Variants in EPHB1 observed in about 807,000 individuals in gnomAD.
EPHB1 encodes ephrin type-B receptor 1.
EPHB1 carries 30 observed loss-of-function variants against 94.4 expected under a neutral mutation model. The ratio of observed to expected loss-of-function variants is 0.32; its 90% confidence interval spans 0.24 to 0.43. The LOEUF is 0.43. Among genes scored for constraint, EPHB1 ranks in the 20% least tolerant of loss-of-function variants. The pLI is 1.00. For missense variants in EPHB1, 1,055 were observed against 1,308.3 expected, an observed-to-expected ratio of 0.81 and a Z score of 2.99; for synonymous variants, 522 against 489.1, an observed-to-expected ratio of 1.07 and a Z score of -0.89.
intron 12 of EPHB1, among the ~76,000 whole-genome samples, chr3:135,210,826 G>T (rs1439924879): frequency 6.6e-6 from 1 of 152,162 alleles, no homozygotes; most frequent in Non-Finnish European, 1.5e-5. Context: ...TGATGTTCTA[G>T]AAAGCCTGTT....
chr3:135,029,424 T>C (rs9681999), intron 3 of EPHB1, among the ~76,000 whole-genome samples: 1 of 146,054 alleles, frequency 6.8e-6, no homozygotes, highest in African/African-American at 2.5e-5. Flanking sequence ...GCCTGGTGGT[T>C]ACAAAATCTC....
intron 10 of EPHB1, 95 bp downstream of exon 10, chr3:135,180,077 T>C: frequency 7.0e-7 from 1 of 1,430,976 alleles, no homozygotes; most frequent in Non-Finnish European, 9.6e-7. Context: ...AAAAGCCCCA[T>C]TAGGAGGAGA....
At chr3:134,924,567 G>A (rs538813204) in intron 1 of EPHB1, among the ~76,000 whole-genome samples, 1 of 152,238 alleles carries the variant, frequency 6.6e-6, no homozygotes, top group Non-Finnish European at 1.5e-5. Context: ...AATGGCTAAA[G>A]TTAAAAACAA....
intron 1 of EPHB1, chr3:134,823,861 A>C (rs2108290866): frequency 6.6e-6 from 1 of 152,378 alleles, no homozygotes; most frequent in African/African-American, 2.4e-5. Context: ...TGCCTGCAAC[A>C]GCAGAATGAG....
At chr3:135,152,248 TCTTA>T (rs1179607186) in intron 5 of EPHB1, among the ~76,000 whole-genome samples, 2 of 152,214 alleles carry the variant, frequency 1.3e-5, no homozygotes, top group African/African-American at 4.8e-5. Context: ...GAACATCCTT[TCTTA>T]CTTCAGTTGG....
intron 2 of EPHB1, among the ~76,000 whole-genome samples, chr3:134,935,831 AATG>A (rs1173476021): frequency 6.6e-6 from 1 of 151,468 alleles, no homozygotes; most frequent in Admixed American, 6.6e-5. Flanking sequence ...TATTATTAAT[AATG>A]ATAACTATTA....
chr3:135,157,211 G>A (rs1941379749), intron 6 of EPHB1, among the ~76,000 whole-genome samples: 1 of 152,168 alleles, frequency 6.6e-6, no homozygotes, highest in South Asian at 2.1e-4. Context: ...GCTGGGAAGG[G>A]AAAGAATATG....
rs773261269 is a variant in EPHB1, at chr3:135,166,032, C to T, written c.1650C>T (p.Val550=). ...TTGCTGGCTCGGCAGCGGCCGGGGT[C>T]GTGTTCGTTGTGTCCTTGGTGGCCA... ...PLIAGSAAAG[V]VFVVSLVAIS... The change falls in exon 8 of 16, where the codon GTC becomes GTT. Residue 550 remains valine (V), a synonymous_variant. Transcript: ENST00000398015. The T allele has an allele frequency of 3.2e-5, 51 of 1,613,768 alleles. No individual in the cohort carries two copies. The Admixed American group carries it at 7.2e-4, about 23-fold the overall frequency.
intron 12 of EPHB1, among the ~76,000 whole-genome samples, chr3:135,225,640 T>C (rs1943377272): frequency 6.6e-6 from 1 of 152,138 alleles, no homozygotes; most frequent in South Asian, 2.1e-4. Flanking sequence ...AGCCCCACAG[T>C]TCTTGGCAGA....
chr3:134,885,133 A>G (rs1237176007), intron 1 of EPHB1, among the ~76,000 whole-genome samples: 1 of 152,232 alleles, frequency 6.6e-6, no homozygotes, highest in Non-Finnish European at 1.5e-5. Context: ...AAAAGGTCCA[A>G]ATAGAACATC....
At chr3:134,875,313 G>A (rs550445482) in intron 1 of EPHB1, among the ~76,000 whole-genome samples, 141 of 152,316 alleles carry the variant, frequency 9.3e-4, no homozygotes, top group Non-Finnish European at 1.4e-3. Flanking sequence ...CCAGGGCTTT[G>A]TGTTGGCGGA....
chr3:135,242,754 G>A (rs1436617706), intron 13 of EPHB1, among the ~76,000 whole-genome samples: 1 of 152,146 alleles, frequency 6.6e-6, no homozygotes, highest in South Asian at 2.1e-4. Flanking sequence ...GTCTATACCA[G>A]CTGCTAAATA....
chr3:134,889,826 C>T (rs1423704664), intron 1 of EPHB1, among the ~76,000 whole-genome samples: 5 of 151,760 alleles, frequency 3.3e-5, no homozygotes, highest in African/African-American at 7.3e-5. Flanking sequence ...TACCGGTGCC[C>T]GCCACCACAC....
At chr3:134,931,113 A>T (rs1277357409) in intron 2 of EPHB1, among the ~76,000 whole-genome samples, 1 of 152,220 alleles carries the variant, frequency 6.6e-6, no homozygotes, top group East Asian at 1.9e-4. Context: ...ACCCAAATGC[A>T]CTGTAACATG....
At chr3:134,893,318 C>T (rs530406937) in intron 1 of EPHB1, among the ~76,000 whole-genome samples, 8 of 152,312 alleles carry the variant, frequency 5.3e-5, no homozygotes, top group South Asian at 2.1e-4. Flanking sequence ...AATCTGTTCA[C>T]GGGTCGCTCT....
intron 3 of EPHB1, among the ~76,000 whole-genome samples, chr3:134,961,450 C>A (rs2107721921): frequency 6.6e-6 from 1 of 152,306 alleles, no homozygotes; most frequent in African/African-American, 2.4e-5. Flanking sequence ...TGGGGTGGAA[C>A]TTTTATACAA....
chr3:135,228,123 A>C (rs756699327), intron 12 of EPHB1, among the ~76,000 whole-genome samples: 7 of 152,184 alleles, frequency 4.6e-5, no homozygotes, highest in Non-Finnish European at 1.0e-4. Context: ...TATCTTTTTT[A>C]GCCTTTTTTT....
intron 1 of EPHB1, among the ~76,000 whole-genome samples, chr3:134,810,259 G>A (rs912264925): frequency 6.8e-5 from 10 of 147,858 alleles, no homozygotes; most frequent in African/African-American, 2.3e-4. Flanking sequence ...GGCTTGAAGC[G>A]TGGGTAGCAC....
intron 1 of EPHB1, among the ~76,000 whole-genome samples, chr3:134,917,205 T>C (rs1261284625): frequency 6.6e-6 from 1 of 152,094 alleles, no homozygotes; most frequent in African/African-American, 2.4e-5. Context: ...CCCTAAGAAC[T>C]AAGAGCCAGA....
Sources: allele counts gnomAD v4.1 joint callset (sites outside exome capture counted in the v4.1 genomes callset), GRCh38; gene constraint gnomAD v4.1.1; transcripts MANE v1.5; gene names NCBI Gene and HGNC (gene_info 2026-07-23, HGNC 2026-07-21).